Variants in TNR observed in about 807,000 individuals in gnomAD.
The protein encoded by TNR is tenascin R, also known as tenascin-R.
A neutral mutation model predicts 150.4 loss-of-function variants in TNR; 45 were observed. The ratio of observed to expected loss-of-function variants is 0.30; its 90% confidence interval spans 0.24 to 0.38. The LOEUF (loss-of-function observed/expected upper bound fraction) is 0.38, where lower values mean the gene tolerates loss of function less well. Among genes scored for constraint, TNR ranks in the 10% least tolerant of loss-of-function variants. The probability of loss-of-function intolerance (pLI) is 1.00; values close to 1 mark genes in which losing one functional copy is unlikely to be tolerated. For synonymous variants in TNR, 687 were observed against 678.4 expected (o/e 1.01, Z -0.20); for missense variants, 1,544 against 1,759.1 (o/e 0.88, Z 2.19).
chr1:175,702,283 G>A (rs1230824074), intron 1 of TNR, among the ~76,000 whole-genome samples: 1 of 152,136 alleles, frequency 6.6e-6, no homozygotes, highest in East Asian at 1.9e-4. Context: ...TCTCAGCTCT[G>A]CCCCACCCAC....
intron 1 of TNR, among the ~76,000 whole-genome samples, chr1:175,627,607 C>T (rs748387389): frequency 2.6e-5 from 4 of 152,114 alleles, no homozygotes; most frequent in East Asian, 1.9e-4. Flanking sequence ...AATGAAATTA[C>T]GAGTAGTTTG....
chr1:175,574,628 A>G (rs947571559), intron 1 of TNR, among the ~76,000 whole-genome samples: 6 of 152,208 alleles, frequency 3.9e-5, no homozygotes, highest in Admixed American at 6.5e-5. Context: ...ATACTTTTCA[A>G]AAAGTGTCTG....
chr1:175,678,415 A>G (rs1020694136), intron 1 of TNR, among the ~76,000 whole-genome samples: 3 of 151,954 alleles, frequency 2.0e-5, no homozygotes, highest in African/African-American at 7.3e-5. Flanking sequence ...ACTTTTGAAA[A>G]CCACCACTTT....
intron 2 of TNR, among the ~76,000 whole-genome samples, chr1:175,478,996 C>T (rs993561110): frequency 6.6e-6 from 1 of 152,156 alleles, no homozygotes; most frequent in Admixed American, 6.5e-5. Context: ...CTTTTCAAAG[C>T]CCTTTAAATA....
At chr1:175,614,127 TCTTG>T (rs1205343929) in intron 1 of TNR, among the ~76,000 whole-genome samples, 1 of 152,240 alleles carries the variant, frequency 6.6e-6, no homozygotes, top group Admixed American at 6.5e-5. Context: ...AGCTATTACA[TCTTG>T]CTTATGTGTT....
chr1:175,479,783 T>C (rs542654342), intron 2 of TNR, among the ~76,000 whole-genome samples: 2 of 152,230 alleles, frequency 1.3e-5, no homozygotes, highest in East Asian at 1.9e-4. Context: ...TTGTGGCTAG[T>C]AGGTTCCTTC....
intron 7 of TNR, 68 bp from the exon 8 acceptor site, chr1:175,386,369 C>A: frequency 6.9e-7 from 1 of 1,454,286 alleles, no homozygotes; most frequent in Non-Finnish European, 9.1e-7. Flanking sequence ...TCAGCTCTCT[C>A]TTTTCCTCCT....
chr1:175,683,840 C>T (rs538156665), intron 1 of TNR, among the ~76,000 whole-genome samples: 4 of 152,330 alleles, frequency 2.6e-5, no homozygotes, highest in African/African-American at 9.6e-5. Context: ...ACCAAGTCTG[C>T]AATAGCTGAC....
At chr1:175,434,727 T>C (rs1156481265) in intron 2 of TNR, among the ~76,000 whole-genome samples, 2 of 152,166 alleles carry the variant, frequency 1.3e-5, no homozygotes, top group African/African-American at 2.4e-5. Flanking sequence ...TTTCTCCCTA[T>C]TTCAGTTCCT....
chr1:175,496,455 G>A (rs145664076), intron 2 of TNR, among the ~76,000 whole-genome samples: 258 of 152,268 alleles, frequency 1.7e-3, no homozygotes, highest in Non-Finnish European at 2.8e-3. Context: ...TTGGTGACTC[G>A]GGGCTGCCAT....
chr1:175,324,255 A>T, intron 22 of TNR, 101 bp downstream of exon 22: 1 of 1,257,348 alleles, frequency 8.0e-7, no homozygotes, highest in East Asian at 2.5e-5. Context: ...TTCTTTTTAA[A>T]GGGAAATGAA....
At chr1:175,595,688 T>C (rs1662980081) in intron 1 of TNR, among the ~76,000 whole-genome samples, 1 of 152,160 alleles carries the variant, frequency 6.6e-6, no homozygotes, top group African/African-American at 2.4e-5. Flanking sequence ...CCAAAGAGAA[T>C]TAGGCAATGG....
At chr1:175,579,924 T>C (rs1372396177) in intron 1 of TNR, among the ~76,000 whole-genome samples, 1 of 152,084 alleles carries the variant, frequency 6.6e-6, no homozygotes, top group Non-Finnish European at 1.5e-5. Context: ...AGGAGGCTAT[T>C]GGTCCCCATG....
At chr1:175,441,076 C>T (rs1655766868) in intron 2 of TNR, among the ~76,000 whole-genome samples, 1 of 152,136 alleles carries the variant, frequency 6.6e-6, no homozygotes, top group African/African-American at 2.4e-5. Flanking sequence ...AGGTCATCAG[C>T]TGAGTATGAA....
At chr1:175,416,825 C>T (rs564092940) in intron 2 of TNR, among the ~76,000 whole-genome samples, 147 of 152,092 alleles carry the variant, frequency 9.7e-4, no homozygotes, top group Non-Finnish European at 1.3e-3. Context: ...TGGTTAACAC[C>T]GGGAAACCCC....
At chr1:175,677,618 A>G (rs139937902) in intron 1 of TNR, among the ~76,000 whole-genome samples, 1 of 152,340 alleles carries the variant, frequency 6.6e-6, no homozygotes, top group Admixed American at 6.5e-5. Context: ...CAGGAGGAAA[A>G]GCCAAGACAG....
intron 1 of TNR, among the ~76,000 whole-genome samples, chr1:175,675,851 G>A (rs1665848547): frequency 1.3e-5 from 2 of 152,134 alleles, no homozygotes; most frequent in Admixed American, 1.3e-4. Context: ...CTTCTGGGAG[G>A]ACGCTGGGCT....
chr1:175,344,077 C>T (rs754557958), intron 18 of TNR, among the ~76,000 whole-genome samples: 2 of 152,210 alleles, frequency 1.3e-5, no homozygotes, highest in Admixed American at 6.5e-5. Context: ...GGGCAAGTGG[C>T]TCAAGGGCCT....
intron 1 of TNR, among the ~76,000 whole-genome samples, chr1:175,612,339 G>A (rs1663624707): frequency 6.6e-6 from 1 of 152,168 alleles, no homozygotes; most frequent in African/African-American, 2.4e-5. Flanking sequence ...GGTTTTGCTG[G>A]GGATATCTGA....
Sources: allele counts gnomAD v4.1 joint callset (sites outside exome capture counted in the v4.1 genomes callset), GRCh38; gene constraint gnomAD v4.1.1; transcripts MANE v1.5; gene names NCBI Gene and HGNC (gene_info 2026-07-23, HGNC 2026-07-21).